TMEM260: variants seen among roughly 807,000 people sequenced by gnomAD.
The protein encoded by TMEM260 is transmembrane protein 260.
TMEM260 carries 82 observed loss-of-function variants against 88.9 expected under a neutral mutation model. The observed-to-expected ratio is 0.92, with a 90% confidence interval of 0.77 to 1.11. TMEM260 has a LOEUF of 1.11. Ranked by LOEUF, TMEM260 falls within the 50% of genes least tolerant of loss-of-function variation. The probability of loss-of-function intolerance (pLI) is 0.00; values close to 1 mark genes in which losing one functional copy is unlikely to be tolerated. For missense variants in TMEM260, 902 were observed against 853.4 expected, an observed-to-expected ratio of 1.06 and a Z score of -0.71; for synonymous variants, 314 against 309.3, an observed-to-expected ratio of 1.02 and a Z score of -0.16.
chr14:56,652,659 C>T (rs1890226966), downstream of TMEM260, among the ~76,000 whole-genome samples: 2 of 152,110 alleles, frequency 1.3e-5, no homozygotes, highest in Admixed American at 6.5e-5. Flanking sequence ...ACAGTTCGTT[C>T]TTAAAAGCAT....
At chr14:56,661,740 C>G in the TMEM260 span, among the ~76,000 whole-genome samples, 140 of 152,298 alleles carry the variant, frequency 9.2e-4, 1 homozygote, top group Middle Eastern at 0.014. Context: ...TCCTTTCTCA[C>G]AGGCATATGT....
rs749162437 is a variant in TMEM260 at position 56,647,510 on chromosome 14, T to A, written c.*13T>A. Reference sequence around the variant, plus strand: ...GAAAAATGTCTGAGACAGCAAAATATGAAAAACCTGCTCATCGTTCAGCTT... The same window carrying A: ...GAAAAATGTCTGAGACAGCAAAATAAGAAAAACCTGCTCATCGTTCAGCTT... On this transcript the variant is annotated 3_prime_UTR_variant, in exon 16 of 16. Coordinates refer to ENST00000261556, the MANE Select transcript of TMEM260 (RefSeq NM_017799.4). 1 of 1,569,780 alleles carries A rather than the reference T, an allele frequency of 6.4e-7. No homozygotes were observed. Among genetic ancestry groups the A allele is most frequent in the Admixed American group, 2.0e-5 (1 of 49,800 alleles).
At chr14:56,590,667 C>T (rs758564236) in intron 3 of TMEM260, among the ~76,000 whole-genome samples, 21 of 152,334 alleles carry the variant, frequency 1.4e-4, no homozygotes, top group Admixed American at 9.1e-4. Context: ...AATATCACAG[C>T]GGCAGCAGAT....
chr14:56,612,434 C>T, intron 7 of TMEM260, 149 bp downstream of exon 7: 1 of 693,542 alleles, frequency 1.4e-6, no homozygotes, highest in South Asian at 1.8e-5. Flanking sequence ...TTTGTGTTTA[C>T]AGTTGTCCCT....
intron 11 of TMEM260, 139 bp downstream of exon 11, chr14:56,621,841 G>A: frequency 1.6e-6 from 1 of 610,742 alleles, no homozygotes; most frequent in Non-Finnish European, 2.6e-6. Context: ...CATTCTACAT[G>A]TTAGGTAGAA....
chr14:56,615,006 G>T (rs145155569), intron 7 of TMEM260, among the ~76,000 whole-genome samples: 7 of 152,134 alleles, frequency 4.6e-5, no homozygotes, highest in Non-Finnish European at 7.4e-5. Context: ...ATCTTTTAGC[G>T]CTTACACTTA....
At chr14:56,656,949 G>A in the TMEM260 span, among the ~76,000 whole-genome samples, 1 of 152,102 alleles carries the variant, frequency 6.6e-6, no homozygotes, top group Admixed American at 6.6e-5. Flanking sequence ...CCATTACCAT[G>A]ACCGTCCTTC....
At chr14:56,615,704 C>G in intron 7 of TMEM260, 1 of 458,976 alleles carries the variant, frequency 2.2e-6, no homozygotes, top group Non-Finnish European at 3.9e-6. Context: ...ATTATTTGTT[C>G]TGATCCTATT....
chr14:56,593,714 G>T (rs1886021461), intron 3 of TMEM260, among the ~76,000 whole-genome samples: 1 of 105,112 alleles, frequency 9.5e-6, no homozygotes, highest in South Asian at 3.8e-4. Context: ...TTGAGACTGA[G>T]TCTCGGTCTG....
Position 56,634,964 on chromosome 14 carries a change from A to ATTCTG in TMEM260, c.1778+12_1778+13insTTCTG, listed in dbSNP as rs1566570598. 17 of 1,613,226 alleles carry ATTCTG rather than the reference A, an allele frequency of 1.1e-5. No homozygotes were observed. The highest frequency in any genetic ancestry group is 1.4e-5 in the Non-Finnish European group (17 of 1,179,390). On this transcript the variant is annotated intron_variant, in intron 14 of 15. Coordinates refer to ENST00000261556, the MANE Select transcript of TMEM260 (RefSeq NM_017799.4). Reference sequence around the variant, plus strand: ...ATGTGGCAAGCGAGGTGACTATTCTACATTTTTGTGTGTGCAGTCTATTTT... The same window carrying ATTCTG: ...ATGTGGCAAGCGAGGTGACTATTCTATTCTGCATTTTTGTGTGTGCAGTCTATTTT...
chr14:56,583,863 T>C (rs1464786983), intron 1 of TMEM260, among the ~76,000 whole-genome samples: 6 of 152,144 alleles, frequency 3.9e-5, no homozygotes, highest in Non-Finnish European at 8.8e-5. Flanking sequence ...GTTTCATGGA[T>C]ATAAGCCTAG....
chr14:56,606,799 G>A (rs998824560), intron 5 of TMEM260, among the ~76,000 whole-genome samples: 2 of 152,196 alleles, frequency 1.3e-5, no homozygotes, highest in Admixed American at 1.3e-4. Flanking sequence ...GGAGGCTGGG[G>A]CAGGAGAATC....
chr14:56,618,803 C>T, intron 10 of TMEM260, 40 bp downstream of exon 10: 1 of 1,562,614 alleles, frequency 6.4e-7, no homozygotes, highest in East Asian at 2.2e-5. Context: ...GCTGTCAAGC[C>T]AGAGATACCT....
intron 15 of TMEM260, among the ~76,000 whole-genome samples, chr14:56,643,323 G>T (rs1243724511): frequency 1.3e-5 from 2 of 152,172 alleles, no homozygotes; most frequent in African/African-American, 2.4e-5. Flanking sequence ...GATCAAGTGG[G>T]CTTCATCCCT....
rs775066276 is a variant in TMEM260, at chr14:56,621,707, G to C, written c.1398+5G>C. 6.3e-7 allele frequency: 1 copy of C among 1,596,338 alleles called. No homozygotes were observed. Among genetic ancestry groups the C allele is most frequent in the East Asian group, 2.2e-5 (1 of 44,682 alleles). The stretch of plus-strand genomic sequence containing the variant: ...ATTTCATTAGTGGATCAGGAAGTAA[G>C]TATATGAAAAATATACTTAGAATAT... On this transcript the variant is annotated splice_donor_5th_base_variant and intron_variant, in intron 11 of 15. Coordinates refer to ENST00000261556, the MANE Select transcript of TMEM260 (RefSeq NM_017799.4).
chr14:56,582,761 G>A (rs915225722), intron 1 of TMEM260, among the ~76,000 whole-genome samples: 9 of 152,138 alleles, frequency 5.9e-5, no homozygotes, highest in Non-Finnish European at 1.0e-4. Context: ...GACTCGGGAA[G>A]CTCGAGGTTT....
At position 56,647,617 on chromosome 14, in the gene TMEM260, T is replaced by G. The variant is rs776128702; in HGVS notation, c.*120T>G. 3.5e-6 allele frequency: 4 copies of G among 1,135,774 alleles called. No homozygotes were observed. Among genetic ancestry groups the G allele is most frequent in the Non-Finnish European group, 4.8e-6 (4 of 825,004 alleles). 70.4% of individuals were successfully genotyped at this position (1,135,774 alleles called of 1,614,324 possible). On this transcript the variant is annotated 3_prime_UTR_variant, in exon 16 of 16. Coordinates refer to ENST00000261556, the MANE Select transcript of TMEM260 (RefSeq NM_017799.4). Reference sequence around the variant, plus strand: ...TTAAAACTAAGTCATCTCCCAGATATAAGTATCATGGTCCAGCAGTACTGT... The same window carrying G: ...TTAAAACTAAGTCATCTCCCAGATAGAAGTATCATGGTCCAGCAGTACTGT...
At chr14:56,586,448 C>A (rs1222945529) in intron 3 of TMEM260, among the ~76,000 whole-genome samples, 1 of 152,082 alleles carries the variant, frequency 6.6e-6, no homozygotes. Context: ...CAAATTAGAT[C>A]CCAAGTAATT....
At chr14:56,614,668 C>G (rs889106673) in intron 7 of TMEM260, among the ~76,000 whole-genome samples, 8 of 152,244 alleles carry the variant, frequency 5.3e-5, no homozygotes, top group Non-Finnish European at 1.0e-4. Context: ...AAAATAATAG[C>G]AGGCTGTATA....
Sources: allele counts gnomAD v4.1 joint callset (sites outside exome capture counted in the v4.1 genomes callset), GRCh38; gene constraint gnomAD v4.1.1; transcripts MANE v1.5; gene names NCBI Gene and HGNC (gene_info 2026-07-23, HGNC 2026-07-21).